The following GRM8 variants were observed in gnomAD, a reference collection of about 807,000 sequenced individuals.
GRM8 encodes the protein glutamate metabotropic receptor 8.
A neutral mutation model predicts 87.2 loss-of-function variants in GRM8; 47 were observed. The ratio of observed to expected loss-of-function variants is 0.54; its 90% confidence interval spans 0.43 to 0.69. The LOEUF (loss-of-function observed/expected upper bound fraction) is 0.69, where lower values mean the gene tolerates loss of function less well. GRM8 is among the 30% of genes least tolerant of loss of function. GRM8 has a pLI of 0.00. For missense variants in GRM8, 1,019 were observed against 1,139.2 expected, an observed-to-expected ratio of 0.89 and a Z score of 1.52; for synonymous variants, 396 against 404.5, an observed-to-expected ratio of 0.98 and a Z score of 0.25.
intron 6 of GRM8, among the ~76,000 whole-genome samples, chr7:126,854,249 T>A (rs143235064): frequency 5.9e-5 from 9 of 152,328 alleles, no homozygotes; most frequent in African/African-American, 2.2e-4. Flanking sequence ...CTAGCTTAAA[T>A]GTAACAGGGA....
intron 9 of GRM8, among the ~76,000 whole-genome samples, chr7:126,485,263 A>G (rs1186902236): frequency 7.6e-6 from 1 of 132,120 alleles, no homozygotes. Flanking sequence ...GTAACACATG[A>G]CCCAGATTTG....
chr7:127,058,054 TA>T (rs1820178002), intron 3 of GRM8: 1 of 425,130 alleles, frequency 2.4e-6, no homozygotes, highest in African/African-American at 2.1e-5. Flanking sequence ...TTGCTCAGTT[TA>T]AAAACCCTTC....
chr7:126,944,924 C>A (rs1196418815), intron 3 of GRM8, among the ~76,000 whole-genome samples: 2 of 152,108 alleles, frequency 1.3e-5, no homozygotes, highest in Non-Finnish European at 2.9e-5. Flanking sequence ...TGACTAACAA[C>A]GTGATGTCAT....
rs202117082 is a variant in GRM8, at chr7:126,832,941, G to A, written c.1157-62876C>T. ...TTCAATGACAGTTCATGAATTTTGC[G>A]GAATCTCAAAAATAATGACATGATT... On this transcript the variant is annotated intron_variant, in intron 6 of 10. Transcript: ENST00000339582. 3.2e-3 allele frequency among the ~76,000 whole-genome samples: 480 copies of A among 152,256 alleles called. 2 individuals are homozygous for A. The highest frequency in any genetic ancestry group is 0.011 in the African/African-American group (459 of 41,544).
At chr7:126,919,306 G>T (rs1290881254) in intron 3 of GRM8, among the ~76,000 whole-genome samples, 1 of 152,116 alleles carries the variant, frequency 6.6e-6, no homozygotes, top group Admixed American at 6.6e-5. Flanking sequence ...TCAACATTTT[G>T]TGTTTCTATG....
chr7:127,069,156 T>C (rs1451728902), intron 3 of GRM8, among the ~76,000 whole-genome samples: 1 of 152,140 alleles, frequency 6.6e-6, no homozygotes, highest in Non-Finnish European at 1.5e-5. Flanking sequence ...ATTGTAACCA[T>C]TATTTTATTT....
chr7:126,710,685 C>T (rs1811010178), intron 7 of GRM8, among the ~76,000 whole-genome samples: 2 of 152,162 alleles, frequency 1.3e-5, no homozygotes, highest in Non-Finnish European at 1.5e-5. Context: ...AGTCTTGAAC[C>T]CTTTAAATTC....
intron 6 of GRM8, among the ~76,000 whole-genome samples, chr7:126,788,997 A>G (rs1820981930): frequency 6.6e-6 from 1 of 152,192 alleles, no homozygotes; most frequent in Non-Finnish European, 1.5e-5. Context: ...ATCAAGGAAG[A>G]GAAAGGAGAA....
intron 7 of GRM8, among the ~76,000 whole-genome samples, chr7:126,731,450 T>C (rs1813571526): frequency 6.6e-6 from 1 of 152,160 alleles, no homozygotes; most frequent in African/African-American, 2.4e-5. Flanking sequence ...CTAAATTTTC[T>C]AGAAGGAGAA....
At chr7:127,202,377 C>T (rs1795663374) in intron 2 of GRM8, among the ~76,000 whole-genome samples, 1 of 152,088 alleles carries the variant, frequency 6.6e-6, no homozygotes, top group South Asian at 2.1e-4. Flanking sequence ...AGGGTTTTGC[C>T]ATGTTGGCCA....
chr7:127,195,135 A>T (rs17863237), intron 2 of GRM8, among the ~76,000 whole-genome samples: 12,171 of 152,162 alleles, frequency 0.08, 715 homozygotes, highest in African/African-American at 0.17. Flanking sequence ...TATCTGATAC[A>T]TATGTACAAA....
chr7:127,150,847 G>A (rs1480252878), intron 2 of GRM8, among the ~76,000 whole-genome samples: 1 of 152,044 alleles, frequency 6.6e-6, no homozygotes, highest in Non-Finnish European at 1.5e-5. Context: ...CAGAATTAGA[G>A]AAACCCTCCA....
chr7:127,124,971 T>G (rs2133197706), intron 2 of GRM8, among the ~76,000 whole-genome samples: 1 of 152,178 alleles, frequency 6.6e-6, no homozygotes, highest in Non-Finnish European at 1.5e-5. Context: ...ATAAGTAAAG[T>G]CTCAGCTTAT....
chr7:126,886,954 G>T (rs1800555630), intron 6 of GRM8, among the ~76,000 whole-genome samples: 2 of 152,072 alleles, frequency 1.3e-5, no homozygotes. Context: ...GCTGTATTTT[G>T]GGAGTGCAGA....
intron 6 of GRM8, among the ~76,000 whole-genome samples, chr7:126,880,618 C>A (rs1308361610): frequency 6.6e-6 from 1 of 152,190 alleles, no homozygotes; most frequent in Admixed American, 6.5e-5. Flanking sequence ...AGAGCTTACA[C>A]CAATTTAAAG....
chr7:126,928,104 AAACT>A (rs1805333500), intron 3 of GRM8, among the ~76,000 whole-genome samples: 1 of 151,988 alleles, frequency 6.6e-6, no homozygotes, highest in Admixed American at 6.6e-5. Flanking sequence ...CATTCTCAGC[AAACT>A]AACACAAGGA....
rs1006018655 is a variant in GRM8 at position 126,698,512 on chromosome 7, T to C, written c.1357+71353A>G. On this transcript the variant is annotated intron_variant, in intron 7 of 10. Transcript: ENST00000339582. Reference sequence around the variant, plus strand: ...GTGTGCTACTCATTAAATGTTACTATGTCTTTCTACCACAGAGATTTATTT... The same window carrying C: ...GTGTGCTACTCATTAAATGTTACTACGTCTTTCTACCACAGAGATTTATTT... 2.0e-5 allele frequency among the ~76,000 whole-genome samples: 3 copies of C among 152,196 alleles called. No homozygotes were observed. In the East Asian group the frequency reaches 5.8e-4, roughly 29 times the overall value.
At chr7:127,177,521 C>A (rs368937072) in intron 2 of GRM8, among the ~76,000 whole-genome samples, 2 of 152,216 alleles carry the variant, frequency 1.3e-5, no homozygotes, top group African/African-American at 2.4e-5. Context: ...GAAAGTGTCA[C>A]CTCCTGGCAG....
chr7:126,882,208 T>C (rs905808505), intron 6 of GRM8, among the ~76,000 whole-genome samples: 25 of 149,358 alleles, frequency 1.7e-4, no homozygotes, highest in Admixed American at 5.3e-4. Context: ...CACAAACAGG[T>C]TTTTTTTTTC....
Sources: allele counts gnomAD v4.1 joint callset (sites outside exome capture counted in the v4.1 genomes callset), GRCh38; gene constraint gnomAD v4.1.1; transcripts MANE v1.5; gene names NCBI Gene and HGNC (gene_info 2026-07-23, HGNC 2026-07-21).